Variants in NOP56 observed in about 807,000 individuals in gnomAD.
NOP56 encodes NOP56 ribonucleoprotein, also known as nucleolar protein 56.
A neutral mutation model predicts 58.3 loss-of-function variants in NOP56; 31 were observed. The ratio of observed to expected loss-of-function variants is 0.53; its 90% confidence interval spans 0.40 to 0.72. NOP56 has a LOEUF of 0.72. NOP56 is among the 30% of genes least tolerant of loss of function. The pLI, the probability that NOP56 is intolerant of heterozygous loss-of-function variation, is 0.00. For synonymous variants in NOP56, 313 were observed against 282.8 expected (o/e 1.11, Z -1.07); for missense variants, 669 against 739.9 (o/e 0.90, Z 1.11).
In NOP56 at chr20:2,656,903, G is replaced by A; in HGVS notation, c.1281+8G>A. On this transcript the variant is annotated splice_region_variant and intron_variant, in intron 10 of 11. Coordinates refer to ENST00000329276, the MANE Select transcript of NOP56 (RefSeq NM_006392.4). The stretch of plus-strand genomic sequence containing the variant: ...AAGGAAGCAATGGTTCAGGTCAGTT[G>A]GGCTTTGCTGGGTGTGGAGTGGCAT... 6.2e-7 allele frequency: 1 copy of A among 1,614,096 alleles called. No individual in the cohort carries two copies. The highest frequency in any genetic ancestry group is 1.1e-5 in the South Asian group (1 of 91,056).
At position 2,656,717 on chromosome 20, in the gene NOP56, G is replaced by A. The variant is rs755177881; in HGVS notation, c.1160-57G>A. On this transcript the variant is annotated intron_variant, in intron 9 of 11. Coordinates refer to ENST00000329276, the MANE Select transcript of NOP56 (RefSeq NM_006392.4). ...TGAAGCTGAGGGTAGAGGGAACACA[G>A]GGTTGGGGTAGTTTCTCTCTTTGGG... 15 of 1,613,806 alleles carry A rather than the reference G, an allele frequency of 9.3e-6. No individual in the cohort carries two copies. The African/African-American group carries it at 1.5e-4, about 16-fold the overall frequency.
At position 2,652,764 on chromosome 20, in the gene NOP56, C is replaced by CCCGG; in HGVS notation, c.4-78_4-77insCCGG. On this transcript the variant is annotated intron_variant, in intron 1 of 11. Transcript: ENST00000329276. ...GGGCCTGGGCCTGGGCCTGCGCCTGCGCCTGCGCCTGCCCTGGGAACGGGT... is the reference window on the plus strand; with the variant it reads ...GGGCCTGGGCCTGGGCCTGCGCCTGCCCGGGCCTGCGCCTGCCCTGGGAACGGGT... 3 of 620,206 alleles carry CCCGG rather than the reference C, an allele frequency of 4.8e-6. No individual in the cohort carries two copies. In the South Asian group the frequency reaches 5.5e-5, roughly 11 times the overall value. The allele number at this position is 620,206 out of a possible 1,614,324, so 38.4% of individuals were successfully genotyped here.
Position 2,653,130 on chromosome 20 carries a change from C to G in NOP56, c.94-149C>G, listed in dbSNP as rs919865537. The G allele has an allele frequency of 3.4e-4, 276 of 810,018 alleles. 1 individual carries two copies. Among genetic ancestry groups the G allele is most frequent in the Middle Eastern group, 3.8e-4 (1 of 2,660 alleles). 50.2% of individuals were successfully genotyped at this position (810,018 alleles called of 1,614,324 possible). A position where few individuals can be genotyped will look rare whatever the true frequency, so the allele number is the denominator to read the frequency against. ...CAATTAGAAATAAGCCTCCCGGACG[C>G]CGCCCCCGAACGATTAAAGCAGAAG... On this transcript the variant is annotated intron_variant, in intron 2 of 11. Coordinates refer to ENST00000329276, the MANE Select transcript of NOP56 (RefSeq NM_006392.4).
At chr20:2,653,256 A>G (rs2086774311) in intron 2 of NOP56, 23 bp from the exon 3 acceptor site, 15 of 1,586,036 alleles carry the variant, frequency 9.5e-6, no homozygotes, top group Non-Finnish European at 1.3e-5. Flanking sequence ...GAAGGAAACC[A>G]CTTAGCCTCT....
chr20:2,656,848 G>A lies in NOP56; in HGVS notation c.1234G>A (p.Glu412Lys). ...EERLSFYETGEIPRKNLDVMK... is the reference protein window; with the variant it reads ...EERLSFYETGKIPRKNLDVMK... ...GCGACTGTCCTTCTATGAGACTGGA[G>A]AGATACCACGAAAGAATCTGGATGT... The change falls in exon 10 of 12, where the codon GAG becomes AAG. Residue 412 changes from glutamate to lysine, a missense_variant. Glu to Lys is a moderately conservative substitution (Grantham distance 56). This residue lies in a region of NOP56 where 339 missense variants were observed against 430.5 expected (regional missense o/e 0.79). Coordinates refer to ENST00000329276, the MANE Select transcript of NOP56 (RefSeq NM_006392.4). 6 of 1,614,178 alleles carry A rather than the reference G, an allele frequency of 3.7e-6. No homozygotes were observed. The highest frequency in any genetic ancestry group is 5.1e-6 in the Non-Finnish European group (6 of 1,180,036).
chr20:2,656,193 A>G (rs776812190), intron 8 of NOP56, 159 bp downstream of exon 8: 1 of 1,606,128 alleles, frequency 6.2e-7, no homozygotes, highest in Non-Finnish European at 8.5e-7. Context: ...CCCAGGGCCC[A>G]GCAAAGGGAC....
In NOP56 at chr20:2,652,828, G is replaced by T. The variant is rs772737999; in HGVS notation, c.4-14G>T. 3.1e-6 allele frequency: 5 copies of T among 1,607,694 alleles called. No homozygotes were observed. Among genetic ancestry groups the T allele is most frequent in the Admixed American group, 1.7e-5 (1 of 59,550 alleles). ...GAGGTTGCGTTGACGCTCGCGCCCCGGCTCCCGTTCCAGGTGCTGTTGCAC... is the reference window on the plus strand; with the variant it reads ...GAGGTTGCGTTGACGCTCGCGCCCCTGCTCCCGTTCCAGGTGCTGTTGCAC... On this transcript the variant is annotated splice_polypyrimidine_tract_variant and intron_variant, in intron 1 of 11. Coordinates refer to ENST00000329276, the MANE Select transcript of NOP56 (RefSeq NM_006392.4).
At position 2,658,081 on chromosome 20, in the gene NOP56, G is replaced by A. The variant is rs61739391; in HGVS notation, c.1572G>A (p.Glu524=). 5.0e-3 allele frequency: 8,102 copies of A among 1,614,098 alleles called. 157 individuals carry two copies. Among genetic ancestry groups the A allele is most frequent in the African/African-American group, 0.042 (3,133 of 75,010 alleles). The change falls in exon 12 of 12, where the codon GAG becomes GAA. Residue 524 remains glutamate (E), a synonymous_variant. Transcript: ENST00000329276. The part of the protein sequence containing the change: ...KEELMSSDLE[E]TAGSTSIPKR... ...AGTTGATGAGTAGCGATCTTGAAGA[G>A]ACCGCTGGCAGCACCAGTATTCCCA... is the stretch of plus-strand genomic sequence containing the variant.
intron 3 of NOP56, chr20:2,653,896 G>A (rs981960126): frequency 1.9e-4 from 59 of 310,480 alleles, no homozygotes; most frequent in Non-Finnish European, 3.0e-4. Flanking sequence ...CTCGTGATCC[G>A]CCCGCCTCGA....
At chr20:2,655,080 T>G (rs2086799322) in intron 5 of NOP56, 133 bp downstream of exon 5, 2 of 1,170,776 alleles carry the variant, frequency 1.7e-6, no homozygotes, top group East Asian at 4.7e-5. Context: ...CTCCTGGTGC[T>G]TACCACAGGC....
intron 2 of NOP56, 63 bp from the exon 3 acceptor site, chr20:2,653,216 C>T (rs2086773643): frequency 3.0e-6 from 4 of 1,346,260 alleles, no homozygotes; most frequent in South Asian, 1.2e-5. Context: ...AGAACCGCTG[C>T]TTGACTGCGC....
intron 10 of NOP56, 55 bp from the exon 11 acceptor site, chr20:2,657,026 G>A (rs1468092678): frequency 6.2e-7 from 1 of 1,614,048 alleles, no homozygotes; most frequent in South Asian, 1.1e-5. Context: ...AGCCAGAAAG[G>A]AGTCCTCAGA....
intron 1 of NOP56, 41 bp from the exon 2 acceptor site, chr20:2,652,801 C>T: frequency 6.3e-7 from 1 of 1,586,660 alleles, no homozygotes; most frequent in East Asian, 2.3e-5. Flanking sequence ...CCGGCAGACG[C>T]TGAGGTTGCG....
chr20:2,652,865 G>A lies in NOP56; in HGVS notation c.27G>A (p.Glu9=). The A allele has an allele frequency of 1.2e-6, 2 of 1,611,538 alleles. No individual in the cohort carries two copies. Among genetic ancestry groups the A allele is most frequent in the South Asian group, 2.2e-5 (2 of 90,914 alleles). MVLLHVLF[E]HAVGYALLAL... is the part of the protein sequence containing the mutation. ...AGGTGCTGTTGCACGTGCTGTTTGA[G>A]CACGCGGTCGGCTACGCGCTGCTGG... The change falls in exon 2 of 12, where the codon GAG becomes GAA. Residue 9 remains glutamate (E), a synonymous_variant. Coordinates refer to ENST00000329276, the MANE Select transcript of NOP56 (RefSeq NM_006392.4).
Position 2,654,774 on chromosome 20 carries a change from G to A in NOP56, c.396G>A (p.Leu132=). The change falls in exon 5 of 12, where the codon CTG becomes CTA. Residue 132 remains leucine (L), a synonymous_variant. Coordinates refer to ENST00000329276, the MANE Select transcript of NOP56 (RefSeq NM_006392.4). The part of the protein sequence containing the change: ...LRGVRLHFHN[L]VKGLTDLSAC... Reference sequence around the variant, plus strand: ...GAGTTCGTCTGCACTTCCACAATCTGGTGAAGGGTCTGACCGATCTGTCAG... The same window carrying A: ...GAGTTCGTCTGCACTTCCACAATCTAGTGAAGGGTCTGACCGATCTGTCAG... The A allele has an allele frequency of 6.2e-7, 1 of 1,614,028 alleles. No homozygotes were observed. Among genetic ancestry groups the A allele is most frequent in the South Asian group, 1.1e-5 (1 of 91,088 alleles).
At position 2,658,261 on chromosome 20, in the gene NOP56, G is replaced by GAA. The variant is rs1367879555; in HGVS notation, c.1756_1757dup (p.Phe587SerfsTer?). 1.3e-6 allele frequency: 2 copies of GAA among 1,596,434 alleles called. No homozygotes were observed. The highest frequency in any genetic ancestry group is 2.7e-5 in the African/African-American group (2 of 74,324). ...TTGGCAAGAGCAGCTCCAAGAAGAA[G>GAA]AAAAAGTTCCATAAAGCATCCCAGG... On this transcript the variant is annotated frameshift_variant, in exon 12 of 12. Transcript: ENST00000329276. LOFTEE classifies it high-confidence loss of function.
chr20:2,656,555 G>A lies in NOP56; in HGVS notation c.1159+6G>A. ...ACGAATCGATTGCTTCTCTGGTATG[G>A]GTGGGGGGGCGTTGGCAGGTGTGAG... On this transcript the variant is annotated splice_donor_region_variant and intron_variant, in intron 9 of 11. Transcript: ENST00000329276. 1 of 1,613,692 alleles carries A rather than the reference G, an allele frequency of 6.2e-7. No individual in the cohort carries two copies. Among genetic ancestry groups the A allele is most frequent in the Non-Finnish European group, 8.5e-7 (1 of 1,179,968 alleles).
chr20:2,653,560 C>T, intron 3 of NOP56, 167 bp downstream of exon 3: 2 of 624,686 alleles, frequency 3.2e-6, no homozygotes, highest in South Asian at 1.9e-5. Flanking sequence ...CTTCACAGAG[C>T]TCAAGGTCTG....
At chr20:2,655,075 G>A (rs770950457) in intron 5 of NOP56, 128 bp downstream of exon 5, 5 of 1,201,740 alleles carry the variant, frequency 4.2e-6, no homozygotes, top group Non-Finnish European at 1.2e-6. Flanking sequence ...TAGGCCTCCT[G>A]GTGCTTACCA....
Sources: allele counts gnomAD v4.1 joint callset, GRCh38; gene constraint gnomAD v4.1.1; regional missense constraint gnomAD v4.1.1; transcripts MANE v1.5; gene names NCBI Gene and HGNC (gene_info 2026-07-23, HGNC 2026-07-21).